The following DGKB variants were observed in gnomAD, a reference collection of about 807,000 sequenced individuals.
The protein encoded by DGKB is 90 kDa diacylglycerol kinase.
In DGKB, 67 loss-of-function variants were observed where a neutral mutation model predicts 114.3. That is an observed-to-expected ratio of 0.59 (90% confidence interval 0.48 to 0.72). The LOEUF (loss-of-function observed/expected upper bound fraction) is 0.72. DGKB is among the 30% of genes least tolerant of loss of function. The pLI is 0.00. For missense variants in DGKB, 907 were observed against 975.2 expected (o/e 0.93, Z 0.93); for synonymous variants, 398 against 323.1 (o/e 1.23, Z -2.49).
chr7:14,599,700 C>T (rs996558609), intron 17 of DGKB, among the ~76,000 whole-genome samples: 2 of 152,106 alleles, frequency 1.3e-5, no homozygotes, highest in South Asian at 2.1e-4. Context: ...AGTTATTATC[C>T]GTTTTGTTCA....
chr7:14,251,104 T>C (rs1292272328), intron 23 of DGKB, among the ~76,000 whole-genome samples: 3 of 152,184 alleles, frequency 2.0e-5, no homozygotes, highest in Non-Finnish European at 2.9e-5. Flanking sequence ...GTCTTTTGAC[T>C]GGAAACTTTA....
At chr7:14,543,047 C>T (rs1793720859) in intron 20 of DGKB, among the ~76,000 whole-genome samples, 1 of 152,146 alleles carries the variant, frequency 6.6e-6, no homozygotes, top group Non-Finnish European at 1.5e-5. Flanking sequence ...TTGTCCATGT[C>T]ATTTTTCATT....
chr7:14,949,458 A>G (rs1786056113), intron 1 of DGKB, among the ~76,000 whole-genome samples: 1 of 152,034 alleles, frequency 6.6e-6, no homozygotes, highest in African/African-American at 2.4e-5. Flanking sequence ...GAAACATTAT[A>G]GTCAAAAAAT....
chr7:14,828,966 T>A (rs779837568), intron 2 of DGKB, among the ~76,000 whole-genome samples: 1 of 152,060 alleles, frequency 6.6e-6, no homozygotes, highest in South Asian at 2.1e-4. Flanking sequence ...ACCAGACTAA[T>A]GTTGCTAAGC....
At chr7:14,272,326 T>C (rs1198339704) in intron 23 of DGKB, among the ~76,000 whole-genome samples, 1 of 152,152 alleles carries the variant, frequency 6.6e-6, no homozygotes, top group Non-Finnish European at 1.5e-5. Flanking sequence ...AACACTCTTT[T>C]TGAAAAATTC....
chr7:14,914,088 C>T (rs1158423093), intron 1 of DGKB, among the ~76,000 whole-genome samples: 1 of 152,104 alleles, frequency 6.6e-6, no homozygotes, highest in African/African-American at 2.4e-5. Context: ...TTTAAAATAT[C>T]ACAGGGGAAA....
intron 23 of DGKB, among the ~76,000 whole-genome samples, chr7:14,284,336 G>A (rs1274582620): frequency 7.0e-6 from 1 of 142,734 alleles, no homozygotes; most frequent in Non-Finnish European, 1.5e-5. Context: ...AGTTAGAATG[G>A]CAATCATTAA....
chr7:14,532,246 A>AT (rs1791718256), intron 20 of DGKB, among the ~76,000 whole-genome samples: 1 of 109,946 alleles, frequency 9.1e-6, no homozygotes, highest in South Asian at 3.1e-4. Flanking sequence ...CATGAGACCT[A>AT]CAAAAAAAAA....
intron 1 of DGKB, among the ~76,000 whole-genome samples, chr7:14,913,287 C>G (rs998553336): frequency 6.6e-6 from 1 of 151,906 alleles, no homozygotes; most frequent in Admixed American, 6.6e-5. Flanking sequence ...ATTTCACCCT[C>G]TGTTGACTAC....
chr7:14,958,994 T>C (rs940525593), intron 1 of DGKB, among the ~76,000 whole-genome samples: 2 of 152,130 alleles, frequency 1.3e-5, no homozygotes, highest in East Asian at 1.9e-4. Context: ...CTGGAATTCA[T>C]CTCTGTCATT....
chr7:14,245,782 G>A (rs1677673097), intron 23 of DGKB, among the ~76,000 whole-genome samples: 1 of 152,046 alleles, frequency 6.6e-6, no homozygotes. Context: ...ACAAAAATTA[G>A]CTGGGCATGG....
intron 23 of DGKB, among the ~76,000 whole-genome samples, chr7:14,314,993 A>C (rs547851764): frequency 1.1e-3 from 167 of 152,106 alleles, no homozygotes; most frequent in African/African-American, 3.9e-3. Context: ...TTCTTAAAGA[A>C]AAGAATTTTC....
At chr7:14,968,966 A>G (rs1787313886) in intron 1 of DGKB, among the ~76,000 whole-genome samples, 1 of 152,164 alleles carries the variant, frequency 6.6e-6, no homozygotes, top group African/African-American at 2.4e-5. Context: ...AAGAGAGTCC[A>G]TTCACTTTTG....
chr7:14,226,029 C>T (rs1790749146), intron 23 of DGKB, among the ~76,000 whole-genome samples: 1 of 151,868 alleles, frequency 6.6e-6, no homozygotes, highest in African/African-American at 2.4e-5. Flanking sequence ...TAGTAAGTTT[C>T]CATTTGAAAT....
intron 25 of DGKB, among the ~76,000 whole-genome samples, chr7:14,169,884 C>T (rs944253401): frequency 6.6e-6 from 1 of 151,926 alleles, no homozygotes; most frequent in Non-Finnish European, 1.5e-5. Flanking sequence ...CCTGTAATCC[C>T]AGCACTTTGG....
At chr7:14,447,510 TG>T (rs1317250685) in intron 21 of DGKB, among the ~76,000 whole-genome samples, 1 of 152,144 alleles carries the variant, frequency 6.6e-6, no homozygotes, top group Non-Finnish European at 1.5e-5. Flanking sequence ...AGCTTTGTGT[TG>T]ATATACACTG....
intron 2 of DGKB, among the ~76,000 whole-genome samples, chr7:14,770,752 A>T (rs1464041450): frequency 1.3e-5 from 2 of 152,106 alleles, no homozygotes; most frequent in African/African-American, 4.8e-5. Flanking sequence ...GGCAACCTTG[A>T]AGGCATATTG....
chr7:14,538,085 C>CAA (rs58405374), intron 20 of DGKB, among the ~76,000 whole-genome samples: 7,028 of 44,746 alleles, frequency 0.16, 1,304 homozygotes, highest in Admixed American at 0.28. Flanking sequence ...ATCTCTGTCT[C>CAA]AAAAAAAAAA....
intron 21 of DGKB, among the ~76,000 whole-genome samples, chr7:14,380,451 C>A (rs1337996412): frequency 6.6e-6 from 1 of 152,006 alleles, no homozygotes; most frequent in Non-Finnish European, 1.5e-5. Context: ...TAAATAATCA[C>A]ATTGTTTTAC....
Sources: allele counts gnomAD v4.1 joint callset (sites outside exome capture counted in the v4.1 genomes callset), GRCh38; gene constraint gnomAD v4.1.1; transcripts MANE v1.5; gene names NCBI Gene and HGNC (gene_info 2026-07-23, HGNC 2026-07-21).